UCK2: variants seen among roughly 807,000 people sequenced by gnomAD.
UCK2 encodes the protein uridine-cytidine kinase 2.
In UCK2, 6 loss-of-function variants were observed where a neutral mutation model predicts 30.8. The observed-to-expected ratio is 0.19, with a 90% CI of 0.11 to 0.38. The LOEUF is 0.38. Ranked by LOEUF, UCK2 falls within the 10% of genes least tolerant of loss-of-function variation. The pLI, the probability that UCK2 is intolerant of heterozygous loss-of-function variation, is 1.00. For synonymous variants in UCK2, 125 were observed against 133.6 expected (o/e 0.94, Z 0.45); for missense variants, 210 against 339.8 (o/e 0.62, Z 3.00).
intron 1 of UCK2, among the ~76,000 whole-genome samples, chr1:165,850,862 T>TC (rs1654576709): frequency 6.6e-6 from 1 of 150,846 alleles, no homozygotes; most frequent in Non-Finnish European, 1.5e-5. Context: ...GACCTCGTGA[T>TC]CCACCCGCCT....
intron 1 of UCK2, among the ~76,000 whole-genome samples, chr1:165,882,219 C>T (rs1026562660): frequency 6.6e-6 from 1 of 152,160 alleles, no homozygotes; most frequent in East Asian, 1.9e-4. Context: ...CATCACCCTA[C>T]CCTTTAAAAC....
intron 1 of UCK2, among the ~76,000 whole-genome samples, chr1:165,869,682 T>TTTA (rs1655147615): frequency 3.2e-5 from 1 of 31,108 alleles, no homozygotes; most frequent in Admixed American, 3.0e-4. Flanking sequence ...TTTTTTTTTT[T>TTTA]AAAGAGATGG....
Position 165,827,780 on chromosome 1 carries a change from G to A in UCK2, c.-54G>A. On this transcript the variant is annotated 5_prime_UTR_variant, in exon 1 of 7. Coordinates refer to ENST00000367879, the MANE Select transcript of UCK2 (RefSeq NM_012474.5). ...CGGAGGGAGTCCGACGCGGGCGCGG[G>A]CGGGGAGCGTGCGTCCGTTCGCACA... is the stretch of plus-strand genomic sequence containing the variant. 1 of 1,316,248 alleles carries A rather than the reference G, an allele frequency of 7.6e-7. No homozygotes were observed. 81.5% of individuals were successfully genotyped at this position (1,316,248 alleles called of 1,614,324 possible). A position where few individuals can be genotyped will look rare whatever the true frequency, so the allele number is the denominator to read the frequency against.
chr1:165,847,604 GTTT>G (rs1026423266), intron 1 of UCK2, among the ~76,000 whole-genome samples: 12 of 152,170 alleles, frequency 7.9e-5, no homozygotes, highest in Middle Eastern at 3.4e-3. Context: ...ATCAGATCAG[GTTT>G]TTATTTTTTT....
At chr1:165,889,188 G>A (rs764865125) in intron 1 of UCK2, among the ~76,000 whole-genome samples, 56 of 152,178 alleles carry the variant, frequency 3.7e-4, no homozygotes, top group Non-Finnish European at 7.1e-4. Context: ...ACACGTTTGT[G>A]AAAAGGCCAC....
intron 5 of UCK2, among the ~76,000 whole-genome samples, chr1:165,903,813 C>G (rs1647563401): frequency 6.6e-6 from 1 of 152,212 alleles, no homozygotes; most frequent in Non-Finnish European, 1.5e-5. Flanking sequence ...TGCAGACTCA[C>G]CAGTCCTTCC....
chr1:165,889,528 C>T (rs2101880826), intron 1 of UCK2, among the ~76,000 whole-genome samples: 1 of 152,144 alleles, frequency 6.6e-6, no homozygotes, highest in African/African-American at 2.4e-5. Context: ...CTGGGAAAGG[C>T]TCTTCTGGAG....
At chr1:165,837,828 T>C (rs1654233111) in intron 1 of UCK2, among the ~76,000 whole-genome samples, 1 of 152,246 alleles carries the variant, frequency 6.6e-6, no homozygotes, top group Non-Finnish European at 1.5e-5. Context: ...ATTTCCAATA[T>C]TGAACTCCTC....
chr1:165,861,657 A>C (rs1383990689), intron 1 of UCK2, among the ~76,000 whole-genome samples: 2 of 55,834 alleles, frequency 3.6e-5, no homozygotes, highest in Admixed American at 2.0e-4. Context: ...AAACAAAAAA[A>C]AACAACAGTA....
chr1:165,893,770 G>A (rs1003720680), intron 3 of UCK2, among the ~76,000 whole-genome samples: 1 of 152,176 alleles, frequency 6.6e-6, no homozygotes, highest in African/African-American at 2.4e-5. Flanking sequence ...AAAACTCTGA[G>A]CTGTTATGAC....
chr1:165,846,446 TAAACA>T (rs144790251), intron 1 of UCK2, among the ~76,000 whole-genome samples: 6,160 of 152,134 alleles, frequency 0.04, 154 homozygotes, highest in African/African-American at 0.063. Flanking sequence ...CCCTTTTTTT[TAAACA>T]AAACAAAACA....
intron 1 of UCK2, among the ~76,000 whole-genome samples, chr1:165,848,210 G>A (rs1264684234): frequency 6.6e-6 from 1 of 152,198 alleles, no homozygotes; most frequent in African/African-American, 2.4e-5. Context: ...TTGTGTGGTT[G>A]CAGTTTATTT....
At position 165,896,186 on chromosome 1, in the gene UCK2, G is replaced by T; in HGVS notation, c.357-4G>T. 1 of 1,613,998 alleles carries T rather than the reference G, an allele frequency of 6.2e-7. No individual in the cohort carries two copies. The highest frequency in any genetic ancestry group is 8.5e-7 in the Non-Finnish European group (1 of 1,179,990). ...TGGCCCATTATCTGCTCTGTGCTTT[G>T]CAGGAAGGAGGAGACAGTTACTGTC... On this transcript the variant is annotated splice_region_variant and splice_polypyrimidine_tract_variant and intron_variant, in intron 3 of 6. Coordinates refer to ENST00000367879, the MANE Select transcript of UCK2 (RefSeq NM_012474.5).
rs373729839 is a variant in UCK2 at position 165,907,831 on chromosome 1, C to A, written c.*8C>A. 15 of 1,613,582 alleles carry A rather than the reference C, an allele frequency of 9.3e-6. No homozygotes were observed. The highest frequency in any genetic ancestry group is 1.3e-5 in the Non-Finnish European group (15 of 1,179,688). On this transcript the variant is annotated 3_prime_UTR_variant, in exon 7 of 7. Coordinates refer to ENST00000367879, the MANE Select transcript of UCK2 (RefSeq NM_012474.5). Reference sequence around the variant, plus strand: ...AGCAGCAGGCCGCATTGACCCGTCTCCATCGGACCCCAGCCCCTATCTCCA... The same window carrying A: ...AGCAGCAGGCCGCATTGACCCGTCTACATCGGACCCCAGCCCCTATCTCCA...
intron 1 of UCK2, among the ~76,000 whole-genome samples, chr1:165,838,153 A>G (rs551332796): frequency 1.3e-5 from 2 of 152,282 alleles, no homozygotes; most frequent in South Asian, 2.1e-4. Flanking sequence ...CTTTGCTTCT[A>G]CCCTGGTCCA....
intron 1 of UCK2, among the ~76,000 whole-genome samples, chr1:165,874,387 C>T (rs1655280682): frequency 1.3e-5 from 2 of 152,284 alleles, no homozygotes; most frequent in South Asian, 4.2e-4. Context: ...TTGGGGGACT[C>T]ACGTACAGAG....
intron 1 of UCK2, among the ~76,000 whole-genome samples, chr1:165,845,244 C>T (rs145131314): frequency 1.1e-4 from 16 of 152,198 alleles, no homozygotes; most frequent in African/African-American, 3.9e-4. Flanking sequence ...GGAGAAATCG[C>T]CATACGTTTT....
chr1:165,904,185 A>G (rs1647572379), intron 5 of UCK2: 1 of 152,232 alleles, frequency 6.6e-6, no homozygotes, highest in African/African-American at 2.4e-5. Flanking sequence ...TGGGTATTGG[A>G]ATTTCCCTAT....
chr1:165,850,866 C>T (rs1654576908), intron 1 of UCK2, among the ~76,000 whole-genome samples: 1 of 150,822 alleles, frequency 6.6e-6, no homozygotes, highest in South Asian at 2.1e-4. Flanking sequence ...TCGTGATCCA[C>T]CCGCCTCGGC....
Sources: gnomAD v4.1 joint callset for allele counts (sites outside exome capture counted in the v4.1 genomes callset) on GRCh38, gnomAD v4.1.1 for gene constraint, MANE v1.5 for transcripts, NCBI Gene and HGNC (gene_info 2026-07-23, HGNC 2026-07-21) for gene names.